Variants in MANSC1 observed in about 807,000 individuals in gnomAD.
MANSC1 encodes MANSC domain containing 1, also known as MANSC domain-containing protein 1.
A neutral mutation model predicts 14.1 loss-of-function variants in MANSC1; 13 were observed. The ratio of observed to expected loss-of-function variants is 0.92; its 90% confidence interval spans 0.60 to 1.46. MANSC1 has a LOEUF of 1.46. Ranked by LOEUF, MANSC1 falls within the 40% of genes most tolerant of loss-of-function variation. The probability of loss-of-function intolerance (pLI) is 0.00; values close to 1 mark genes in which losing one functional copy is unlikely to be tolerated. For synonymous variants in MANSC1, 227 were observed against 200.7 expected, an observed-to-expected ratio of 1.13 and a Z score of -1.11; for missense variants, 486 against 511.4, an observed-to-expected ratio of 0.95 and a Z score of 0.48.
At chr12:12,342,978 A>G (rs755687192) in intron 2 of MANSC1, 114 bp downstream of exon 2, 23 of 735,676 alleles carry the variant, frequency 3.1e-5, no homozygotes, top group Non-Finnish European at 5.1e-5. Context: ...TGATTTTGTC[A>G]CTTATATTCA....
rs1862760575 is a variant in MANSC1, at chr12:12,330,072, G to A, written c.1251C>T (p.Tyr417=). 1.9e-6 allele frequency: 3 copies of A among 1,614,178 alleles called. No individual in the cohort carries two copies. The highest frequency in any genetic ancestry group is 2.5e-6 in the Non-Finnish European group (3 of 1,180,044). ...ILSESLRRKR[Y]SRLDYLINGI... is the part of the protein sequence containing the mutation. Reference sequence around the variant, plus strand: ...CATTGATCAAATAATCCAGTCTTGAGTAACGTTTCCTGCGGAGTGATTCCG... The same window carrying A: ...CATTGATCAAATAATCCAGTCTTGAATAACGTTTCCTGCGGAGTGATTCCG... The change falls in exon 4 of 4, where the codon TAC becomes TAT. Residue 417 remains tyrosine (Y), a synonymous_variant. Transcript: ENST00000535902.
intron 3 of MANSC1, among the ~76,000 whole-genome samples, chr12:12,331,594 T>A (rs1490745119): frequency 6.6e-6 from 1 of 151,916 alleles, no homozygotes; most frequent in African/African-American, 2.4e-5. Flanking sequence ...CAAGTAATCA[T>A]CAGGAGAGAT....
At chr12:12,344,916 CATATATATATATATATATATATATAT>C (rs536743365) in intron 1 of MANSC1, among the ~76,000 whole-genome samples, 358 of 33,560 alleles carry the variant, frequency 0.011, 25 homozygotes, top group South Asian at 0.026. Context: ...AATAAACTCC[CATATATATATATATATATATATATAT>C]ATATATATAT....
At chr12:12,338,357 T>C in intron 3 of MANSC1, 63 bp downstream of exon 3, 1 of 1,395,040 alleles carries the variant, frequency 7.2e-7, no homozygotes. Flanking sequence ...GTAGAAAATC[T>C]TTCACATGAA....
rs781745307 is a variant in MANSC1 at position 12,330,023 on chromosome 12, A to C, written c.*4T>G. 3.1e-6 allele frequency: 5 copies of C among 1,610,396 alleles called. No individual in the cohort carries two copies. In the East Asian group the frequency reaches 1.1e-4, roughly 36 times the overall value. On this transcript the variant is annotated 3_prime_UTR_variant, in exon 4 of 4. Transcript: ENST00000535902. ...AATGAATTAAGAGACACCGAGTTCCATCCTTAGATGTCCACATAGATCCCA... is the reference window on the plus strand; with the variant it reads ...AATGAATTAAGAGACACCGAGTTCCCTCCTTAGATGTCCACATAGATCCCA...
chr12:12,331,871 C>CA (rs1342890052), intron 3 of MANSC1, among the ~76,000 whole-genome samples: 1 of 152,126 alleles, frequency 6.6e-6, no homozygotes, highest in East Asian at 1.9e-4. Context: ...TTTGGACTCT[C>CA]AAAGATTAGA....
At chr12:12,340,330 G>A (rs1862917764) in intron 2 of MANSC1, among the ~76,000 whole-genome samples, 1 of 152,130 alleles carries the variant, frequency 6.6e-6, no homozygotes, top group African/African-American at 2.4e-5. Context: ...AGGCAATGGT[G>A]AGAGATCAAC....
Position 12,343,171 on chromosome 12 carries a change from T to G in MANSC1, c.144A>C (p.Gly48=). 6.2e-7 allele frequency: 1 copy of G among 1,614,070 alleles called. No homozygotes were observed. The part of the protein sequence containing the change: ...VIDIQSSLSK[G]IRGNEPVYTS... ...TATATACGGGCTCATTGCCTCTGAT[T>G]CCCTTAGAAAGAGATGACTGGATGT... The change falls in exon 2 of 4, where the codon GGA becomes GGC. Residue 48 remains glycine, a synonymous_variant. Coordinates refer to ENST00000535902, the MANE Select transcript of MANSC1 (RefSeq NM_018050.4).
rs1257011659 is a variant in MANSC1 at position 12,344,999 on chromosome 12, G to A, written c.-100-1585C>T. Among the ~76,000 whole-genome samples, 4 of 114,302 alleles carry A rather than the reference G, an allele frequency of 3.5e-5. No homozygotes were observed. In the East Asian group the frequency reaches 1.1e-3, roughly 33 times the overall value. The allele number at this position is 114,302 out of a possible 152,430, so 75.0% of individuals were successfully genotyped here. ...TAGTTCTGTCCTTCTAGAGAACCCTGACTAATACAACAACCTTGCAAAAAA... is the reference window on the plus strand; with the variant it reads ...TAGTTCTGTCCTTCTAGAGAACCCTAACTAATACAACAACCTTGCAAAAAA... On this transcript the variant is annotated intron_variant, in intron 1 of 3. Coordinates refer to ENST00000535902, the MANE Select transcript of MANSC1 (RefSeq NM_018050.4).
chr12:12,334,073 A>AC (rs35954228), intron 3 of MANSC1, among the ~76,000 whole-genome samples: 13,123 of 151,532 alleles, frequency 0.087, 618 homozygotes, highest in South Asian at 0.13. Context: ...ACATACTGAG[A>AC]CCCCCCCATT....
rs751024872 is a variant in MANSC1 at position 12,343,143 on chromosome 12, A to G, written c.172T>C (p.Ser58Pro). 1.2e-5 allele frequency: 20 copies of G among 1,614,064 alleles called. No individual in the cohort carries two copies. The highest frequency in any genetic ancestry group is 1.6e-5 in the Non-Finnish European group (19 of 1,179,908). ...GAATTAATGCAGTCTTCTTGAGTTG[A>G]AGTATATACGGGCTCATTGCCTCTG... is the stretch of plus-strand genomic sequence containing the variant. ...GIRGNEPVYTSTQEDCINSCC... is the reference protein window; with the variant it reads ...GIRGNEPVYTPTQEDCINSCC... The change falls in exon 2 of 4, where the codon TCA becomes CCA. Residue 58 changes from serine (S) to proline (P), a missense_variant. Ser to Pro is a moderately conservative substitution (Grantham distance 74, BLOSUM62 -1). Transcript: ENST00000535902.
At position 12,329,514 on chromosome 12, in the gene MANSC1, T is replaced by C. The variant is rs1043383; in HGVS notation, c.*513A>G. 41,759 of 152,878 alleles carry C rather than the reference T, an allele frequency of 0.27. 5,960 individuals carry two copies. The highest frequency in any genetic ancestry group is 0.35 in the African/African-American group (14,529 of 41,484). The allele number at this position is 152,878 out of a possible 1,614,324, so 9.5% of individuals were successfully genotyped here. A position where few individuals can be genotyped will look rare whatever the true frequency, so the allele number is the denominator to read the frequency against. On this transcript the variant is annotated 3_prime_UTR_variant, in exon 4 of 4. Transcript: ENST00000535902. ...ATTACTTTACATAGAGCTTTGTTTT[T>C]AGCTAATATTTTAGAGACAGATTAC...
intron 1 of MANSC1, among the ~76,000 whole-genome samples, chr12:12,345,967 T>C (rs1178243887): frequency 6.6e-6 from 1 of 152,238 alleles, no homozygotes; most frequent in African/African-American, 2.4e-5. Context: ...GAAGACTTTA[T>C]TTTGTTAACA....
intron 1 of MANSC1, among the ~76,000 whole-genome samples, chr12:12,348,711 T>C (rs796960747): frequency 1.5e-3 from 82 of 53,696 alleles, no homozygotes; most frequent in African/African-American, 4.1e-3. Flanking sequence ...TAAAAAAAGG[T>C]AAAACCAAAA....
At position 12,330,056 on chromosome 12, in the gene MANSC1, A is replaced by G. The variant is rs1565790974; in HGVS notation, c.1267T>C (p.Leu423=). The change falls in exon 4 of 4, where the codon TTG becomes CTG. Residue 423 remains leucine, a synonymous_variant. Transcript: ENST00000535902. ...ATGTCCACATAGATCCCATTGATCA[A>G]ATAATCCAGTCTTGAGTAACGTTTC... ...RRKRYSRLDY[L]INGIYVDI 1 of 1,614,172 alleles carries G rather than the reference A, an allele frequency of 6.2e-7. No individual in the cohort carries two copies. The highest frequency in any genetic ancestry group is 8.5e-7 in the Non-Finnish European group (1 of 1,180,030).
At position 12,329,971 on chromosome 12, in the gene MANSC1, T is replaced by C. The variant is rs1177580526; in HGVS notation, c.*56A>G. 4 of 1,434,278 alleles carry C rather than the reference T, an allele frequency of 2.8e-6. No homozygotes were observed. The highest frequency in any genetic ancestry group is 3.8e-6 in the Non-Finnish European group (4 of 1,041,658). 88.8% of individuals were successfully genotyped at this position (1,434,278 alleles called of 1,614,324 possible). ...CTAAGACTAGCAAGTCAGCAGAAACTCATTGCATTTGGGCTTCTGGTTACT... is the reference window on the plus strand; with the variant it reads ...CTAAGACTAGCAAGTCAGCAGAAACCCATTGCATTTGGGCTTCTGGTTACT... On this transcript the variant is annotated 3_prime_UTR_variant, in exon 4 of 4. Coordinates refer to ENST00000535902, the MANE Select transcript of MANSC1 (RefSeq NM_018050.4).
Position 12,329,331 on chromosome 12 carries a change from A to C in MANSC1, c.*696T>G, listed in dbSNP as rs1422283219. 6.6e-6 allele frequency: 1 copy of C among 152,222 alleles called. No individual in the cohort carries two copies. Among genetic ancestry groups the C allele is most frequent in the Non-Finnish European group, 1.5e-5 (1 of 68,044 alleles). 9.4% of individuals were successfully genotyped at this position (152,222 alleles called of 1,614,324 possible). Reference sequence around the variant, plus strand: ...TACATCTGGAATAAGTTTTAAAGGAATCCATATAAAAAGAAAAGCAAATCC... The same window carrying C: ...TACATCTGGAATAAGTTTTAAAGGACTCCATATAAAAAGAAAAGCAAATCC... On this transcript the variant is annotated 3_prime_UTR_variant, in exon 4 of 4. Transcript: ENST00000535902.
intron 1 of MANSC1, among the ~76,000 whole-genome samples, chr12:12,348,701 TA>T (rs1863038853): frequency 1.2e-5 from 1 of 82,930 alleles, no homozygotes; most frequent in South Asian, 4.1e-4. Flanking sequence ...CTTTTAGTTT[TA>T]AAAAAAGGTA....
intron 2 of MANSC1, chr12:12,338,884 CACACAA>C (rs1023665715): frequency 9.2e-6 from 3 of 324,792 alleles, no homozygotes; most frequent in Non-Finnish European, 1.7e-5. Flanking sequence ...CAACCACACA[CACACAA>C]ACACACACAC....
Sources: gnomAD v4.1 joint callset for allele counts (sites outside exome capture counted in the v4.1 genomes callset) on GRCh38, gnomAD v4.1.1 for gene constraint, MANE v1.5 for transcripts, NCBI Gene and HGNC (gene_info 2026-07-23, HGNC 2026-07-21) for gene names.